ANKRD17: variants seen among roughly 807,000 people sequenced by gnomAD.
The protein encoded by ANKRD17 is ankyrin repeat domain-containing protein 17.
ANKRD17 carries 19 observed loss-of-function variants against 229.7 expected under a neutral mutation model. That is an observed-to-expected ratio of 0.08 (90% CI 0.06 to 0.12). ANKRD17 has a LOEUF of 0.12. Ranked by LOEUF, ANKRD17 falls within the 10% of genes least tolerant of loss-of-function variation. The pLI is 1.00. For synonymous variants in ANKRD17, 1,112 were observed against 1,146.1 expected (o/e 0.97, Z 0.60); for missense variants, 2,176 against 3,176.8 (o/e 0.68, Z 7.57).
At chr4:73,215,868 G>A (rs976291074) in intron 1 of ANKRD17, among the ~76,000 whole-genome samples, 2 of 152,132 alleles carry the variant, frequency 1.3e-5, no homozygotes, top group African/African-American at 4.8e-5. Flanking sequence ...AATTTCTTTA[G>A]AGACTTCGAC....
chr4:73,151,316 A>C, intron 7 of ANKRD17, 114 bp downstream of exon 7: 5 of 884,956 alleles, frequency 5.7e-6, no homozygotes, highest in Non-Finnish European at 8.6e-6. Context: ...AACTGATTCA[A>C]TAAGGTTCTG....
At chr4:73,117,262 T>C (rs1726085132) in intron 22 of ANKRD17, among the ~76,000 whole-genome samples, 1 of 152,026 alleles carries the variant, frequency 6.6e-6, no homozygotes, top group Non-Finnish European at 1.5e-5. Context: ...AAAGGTGATG[T>C]GAGAGATAGG....
intron 1 of ANKRD17, among the ~76,000 whole-genome samples, chr4:73,239,017 A>C (rs913742382): frequency 2.0e-5 from 3 of 152,186 alleles, no homozygotes; most frequent in Admixed American, 1.3e-4. Flanking sequence ...GGCACACAGT[A>C]AGCACTCACT....
intron 3 of ANKRD17, among the ~76,000 whole-genome samples, chr4:73,159,440 A>C (rs1732204960): frequency 6.6e-6 from 1 of 152,194 alleles, no homozygotes; most frequent in Non-Finnish European, 1.5e-5. Context: ...GCTGAACTTA[A>C]GAACTTGTGG....
chr4:73,163,803 G>C (rs898710690), intron 2 of ANKRD17, among the ~76,000 whole-genome samples: 1 of 151,986 alleles, frequency 6.6e-6, no homozygotes, highest in African/African-American at 2.4e-5. Context: ...TTTTTCTGTT[G>C]CCGTCCTGAA....
chr4:73,173,634 CCCAAAGTACAAGAGCAGGAAAACCTGTCT>C (rs1734333079), intron 2 of ANKRD17, among the ~76,000 whole-genome samples: 1 of 152,190 alleles, frequency 6.6e-6, no homozygotes, highest in South Asian at 2.1e-4. Context: ...ACTGTGAGTT[CCCAAAGTACAAGAGCAGGAAAACCTGTCT>C]CCAAACACAC....
At chr4:73,137,943 C>T (rs1287180056) in intron 15 of ANKRD17, among the ~76,000 whole-genome samples, 2 of 151,878 alleles carry the variant, frequency 1.3e-5, no homozygotes, top group Non-Finnish European at 2.9e-5. Context: ...CTATGCATGC[C>T]CAAGCACATC....
chr4:73,126,431 G>A (rs1727478656), intron 16 of ANKRD17, among the ~76,000 whole-genome samples: 1 of 151,824 alleles, frequency 6.6e-6, no homozygotes, highest in Non-Finnish European at 1.5e-5. Flanking sequence ...AGCAGTTGTG[G>A]ACCCACCTAA....
chr4:73,227,275 T>C (rs1427648472), intron 1 of ANKRD17, among the ~76,000 whole-genome samples: 1 of 152,070 alleles, frequency 6.6e-6, no homozygotes, highest in African/African-American at 2.4e-5. Flanking sequence ...TGCCTCAGCC[T>C]CCCGAGTAGC....
rs1363738474 is a variant in ANKRD17 at position 73,082,842 on chromosome 4, TAA to T, written c.7159+2405_7159+2406del. ...AATTAGAATCTTGGATGAGAGAAAA[TAA>T]TAAAGTTATTGAGATAACTGATGAA... On this transcript the variant is annotated intron_variant, in intron 30 of 33. Transcript: ENST00000358602. 3.3e-5 allele frequency among the ~76,000 whole-genome samples: 5 copies of T among 152,224 alleles called. No individual in the cohort carries two copies. The East Asian group carries it at 9.7e-4, about 29-fold the overall frequency.
chr4:73,152,974 TC>T (rs1239091848), intron 6 of ANKRD17, among the ~76,000 whole-genome samples: 1 of 152,212 alleles, frequency 6.6e-6, no homozygotes, highest in African/African-American at 2.4e-5. Context: ...AGGATTATTT[TC>T]ATGTTTATAA....
At chr4:73,231,336 G>C (rs1743023326) in intron 1 of ANKRD17, among the ~76,000 whole-genome samples, 1 of 152,166 alleles carries the variant, frequency 6.6e-6, no homozygotes, top group Non-Finnish European at 1.5e-5. Context: ...AACTACCCAA[G>C]TAACCATGGA....
In ANKRD17 at chr4:73,078,799, C is replaced by T; in HGVS notation, c.7251G>A (p.Val2417=). 1 of 1,614,120 alleles carries T rather than the reference C, an allele frequency of 6.2e-7. No individual in the cohort carries two copies. The highest frequency in any genetic ancestry group is 8.5e-7 in the Non-Finnish European group (1 of 1,180,022). ...VPLGSEKPSN[V]SQDRKVPVPI... ...GGACTGGAACTTTCCTGTCCTGAGA[C>T]ACATTGCTGGGCTTTTCTGACCCTA... The change falls in exon 31 of 34, where the codon GTG becomes GTA. Residue 2417 remains valine (V), a synonymous_variant. Transcript: ENST00000358602.
At chr4:73,090,585 A>T (rs1324165950) in intron 29 of ANKRD17, 82 bp downstream of exon 29, 1 of 1,545,746 alleles carries the variant, frequency 6.5e-7, no homozygotes, top group Non-Finnish European at 8.8e-7. Flanking sequence ...TCCAGAGAAT[A>T]AAAATATTAG....
intron 1 of ANKRD17, among the ~76,000 whole-genome samples, chr4:73,189,829 C>G (rs981190956): frequency 1.3e-5 from 2 of 152,084 alleles, no homozygotes; most frequent in Non-Finnish European, 2.9e-5. Flanking sequence ...AAAAATGAAC[C>G]TTTCAGACTT....
intron 1 of ANKRD17, among the ~76,000 whole-genome samples, chr4:73,186,501 A>AT (rs1165845394): frequency 2.0e-5 from 3 of 152,092 alleles, no homozygotes; most frequent in Admixed American, 2.0e-4. Context: ...CTATTCTTAT[A>AT]TTTTTTCATT....
chr4:73,228,816 A>T (rs1245401775), intron 1 of ANKRD17, among the ~76,000 whole-genome samples: 1 of 152,230 alleles, frequency 6.6e-6, no homozygotes, highest in Non-Finnish European at 1.5e-5. Flanking sequence ...TCATGCTGCT[A>T]TAAAGGCACA....
At chr4:73,150,273 C>A (rs1251883822) in intron 7 of ANKRD17, among the ~76,000 whole-genome samples, 1 of 152,130 alleles carries the variant, frequency 6.6e-6, no homozygotes, top group Non-Finnish European at 1.5e-5. Flanking sequence ...TAATATCTTT[C>A]ACTTATAATA....
intron 29 of ANKRD17, 140 bp downstream of exon 29, chr4:73,090,523 CACAA>C: frequency 9.7e-7 from 1 of 1,027,938 alleles, no homozygotes; most frequent in Non-Finnish European, 1.4e-6. Flanking sequence ...CCATACTAAA[CACAA>C]ACAACAGCAT....
Sources: gnomAD v4.1 joint callset for allele counts (sites outside exome capture counted in the v4.1 genomes callset) on GRCh38, gnomAD v4.1.1 for gene constraint, MANE v1.5 for transcripts, NCBI Gene and HGNC (gene_info 2026-07-23, HGNC 2026-07-21) for gene names.